Variants in DDAH1 observed in about 807,000 individuals in gnomAD.
The protein encoded by DDAH1 is N(G),N(G)-dimethylarginine dimethylaminohydrolase 1.
Under a neutral mutation model 28.8 loss-of-function variants are expected in DDAH1, and 19 were observed. The ratio of observed to expected loss-of-function variants is 0.66; its 90% CI spans 0.46 to 0.97. The LOEUF is 0.97. Among genes scored for constraint, DDAH1 ranks in the 50% least tolerant of loss-of-function variants. The pLI is 0.00. For synonymous variants in DDAH1, 153 were observed against 154.4 expected, an observed-to-expected ratio of 0.99 and a Z score of 0.07; for missense variants, 326 against 375.9, an observed-to-expected ratio of 0.87 and a Z score of 1.10.
At chr1:85,339,031 A>AGC (rs2100816977) in intron 4 of DDAH1, among the ~76,000 whole-genome samples, 1 of 149,216 alleles carries the variant, frequency 6.7e-6, no homozygotes, top group South Asian at 2.1e-4. Flanking sequence ...TGGGAGACAG[A>AGC]GCAAGACTCC....
intron 1 of DDAH1, among the ~76,000 whole-genome samples, chr1:85,444,264 T>C (rs899931277): frequency 6.6e-6 from 1 of 152,214 alleles, no homozygotes; most frequent in South Asian, 2.1e-4. Flanking sequence ...CTGCATCTAT[T>C]GAGATAATCA....
chr1:85,384,788 G>A (rs1289459609), intron 1 of DDAH1, among the ~76,000 whole-genome samples: 1 of 152,144 alleles, frequency 6.6e-6, no homozygotes, highest in East Asian at 1.9e-4. Context: ...CAAATGAACA[G>A]AAGGGAGGTC....
intron 4 of DDAH1, among the ~76,000 whole-genome samples, chr1:85,347,933 C>T (rs1355772089): frequency 6.6e-6 from 1 of 152,178 alleles, no homozygotes; most frequent in Non-Finnish European, 1.5e-5. Flanking sequence ...TTCCCCAGAT[C>T]AGTTTGTCCT....
upstream of DDAH1, chr1:85,467,604 CA>C (rs1199107094): frequency 8.5e-5 from 13 of 152,080 alleles, no homozygotes; most frequent in African/African-American, 2.7e-4. Flanking sequence ...AAGCAGTGGT[CA>C]AAAAGTGTTA....
intron 1 of DDAH1, among the ~76,000 whole-genome samples, chr1:85,394,941 C>T (rs35876501): frequency 0.27 from 40,582 of 151,950 alleles, 5,555 homozygotes; most frequent in Middle Eastern, 0.3. Flanking sequence ...TGTTATAAAA[C>T]GTTGGCATAT....
chr1:85,337,682 G>A (rs1648226656), intron 4 of DDAH1, among the ~76,000 whole-genome samples: 1 of 152,070 alleles, frequency 6.6e-6, no homozygotes, highest in Non-Finnish European at 1.5e-5. Flanking sequence ...TCAAACTCCT[G>A]ACCTCGTGAT....
At chr1:85,391,865 T>G (rs1323112982) in intron 1 of DDAH1, among the ~76,000 whole-genome samples, 1 of 152,206 alleles carries the variant, frequency 6.6e-6, no homozygotes, top group South Asian at 2.1e-4. Context: ...GAAAACATTA[T>G]AAACAGGCTG....
chr1:85,336,236 T>G (rs1648110830), intron 4 of DDAH1, among the ~76,000 whole-genome samples: 1 of 152,142 alleles, frequency 6.6e-6, no homozygotes, highest in Admixed American at 6.5e-5. Context: ...TTCTTCAGGA[T>G]AGATATTAGG....
At chr1:85,556,587 A>T (rs867584376) in intron 1 of DDAH1, among the ~76,000 whole-genome samples, 4 of 152,352 alleles carry the variant, frequency 2.6e-5, no homozygotes, top group Middle Eastern at 6.8e-3. Context: ...TGTCCAGCAC[A>T]GCTAAAGGTG....
intron 1 of DDAH1, among the ~76,000 whole-genome samples, chr1:85,416,385 G>A (rs897363909): frequency 6.6e-6 from 1 of 152,076 alleles, no homozygotes; most frequent in African/African-American, 2.4e-5. Flanking sequence ...AGTAGAGACA[G>A]GGTTTCAACA....
At chr1:85,424,641 C>CA (rs1474239986) in intron 1 of DDAH1, among the ~76,000 whole-genome samples, 1 of 152,008 alleles carries the variant, frequency 6.6e-6, no homozygotes, top group East Asian at 1.9e-4. Context: ...TTTTAGTTCA[C>CA]AGGGCTATAT....
At chr1:85,509,300 A>T (rs1657140773) in intron 1 of DDAH1, among the ~76,000 whole-genome samples, 1 of 152,246 alleles carries the variant, frequency 6.6e-6, no homozygotes, top group Admixed American at 6.5e-5. Flanking sequence ...TAGCATCAAC[A>T]TCAACAAAAA....
At chr1:85,326,590 A>T (rs191104643) in intron 4 of DDAH1, among the ~76,000 whole-genome samples, 8 of 152,342 alleles carry the variant, frequency 5.3e-5, no homozygotes, top group Non-Finnish European at 1.0e-4. Flanking sequence ...GCAGCAGGAA[A>T]CTACCTCCTA....
intron 1 of DDAH1, among the ~76,000 whole-genome samples, chr1:85,401,797 C>T (rs1238844474): frequency 6.6e-6 from 1 of 152,084 alleles, no homozygotes. Context: ...GCCACTGCAC[C>T]TGACTAAGAA....
At chr1:85,565,878 C>T (rs551085903) in intron 1 of DDAH1, among the ~76,000 whole-genome samples, 4 of 152,102 alleles carry the variant, frequency 2.6e-5, no homozygotes, top group South Asian at 2.1e-4. Flanking sequence ...GTCAAGAGTT[C>T]GAGACCAGGC....
chr1:85,363,146 C>CT (rs1649880577), intron 1 of DDAH1, among the ~76,000 whole-genome samples: 1 of 152,132 alleles, frequency 6.6e-6, no homozygotes, highest in Admixed American at 6.6e-5. Flanking sequence ...AGTAATGCCC[C>CT]TTTTGAATGT....
At chr1:85,540,430 C>G (rs983257092) in intron 1 of DDAH1, among the ~76,000 whole-genome samples, 2 of 152,106 alleles carry the variant, frequency 1.3e-5, no homozygotes, top group Non-Finnish European at 2.9e-5. Context: ...TCCTGATTCC[C>G]CAAATTAAAA....
intron 1 of DDAH1, among the ~76,000 whole-genome samples, chr1:85,441,584 T>C (rs1654198961): frequency 6.6e-6 from 1 of 151,914 alleles, no homozygotes; most frequent in Admixed American, 6.6e-5. Flanking sequence ...AGTGGCAGAC[T>C]ACACAAGGAT....
chr1:85,512,526 A>G (rs1657283105), intron 1 of DDAH1, among the ~76,000 whole-genome samples: 1 of 152,210 alleles, frequency 6.6e-6, no homozygotes, highest in African/African-American at 2.4e-5. Context: ...AAAGAAATAA[A>G]GGGTATTCAA....
Sources: allele counts gnomAD v4.1 joint callset (sites outside exome capture counted in the v4.1 genomes callset), GRCh38; gene constraint gnomAD v4.1.1; transcripts MANE v1.5; gene names NCBI Gene and HGNC (gene_info 2026-07-23, HGNC 2026-07-21).